The following GPHN variants were observed in gnomAD, a reference collection of about 807,000 sequenced individuals.
The protein encoded by GPHN is gephyrin.
Under a neutral mutation model 95.5 loss-of-function variants are expected in GPHN, and 17 were observed. The ratio of observed to expected loss-of-function variants is 0.18; its 90% CI spans 0.12 to 0.27. GPHN has a LOEUF of 0.27. Among genes scored for constraint, GPHN ranks in the 10% least tolerant of loss-of-function variants. The pLI is 1.00. For synonymous variants in GPHN, 320 were observed against 322.5 expected (o/e 0.99, Z 0.08); for missense variants, 660 against 978.1 (o/e 0.67, Z 4.34).
At chr14:67,089,815 A>C (rs2077075252) in intron 12 of GPHN, among the ~76,000 whole-genome samples, 1 of 152,162 alleles carries the variant, frequency 6.6e-6, no homozygotes, top group Non-Finnish European at 1.5e-5. Context: ...GAGATTGCAT[A>C]AAGCTTAAAA....
chr14:67,284,442 A>AAAAAAACAAAAAAAAAC, the GPHN span, among the ~76,000 whole-genome samples: 2 of 142,768 alleles, frequency 1.4e-5, no homozygotes, highest in African/African-American at 2.6e-5. Context: ...AAAAAAAAAA[A>AAAAAAACAAAAAAAAAC]AACAGCTGGG....
At chr14:66,954,619 A>G (rs904478367) in intron 8 of GPHN, among the ~76,000 whole-genome samples, 3 of 152,080 alleles carry the variant, frequency 2.0e-5, no homozygotes, top group African/African-American at 7.2e-5. Context: ...TTTTATTTCT[A>G]TTTCTTGCCG....
intron 1 of GPHN, among the ~76,000 whole-genome samples, chr14:66,668,851 G>C (rs1255561179): frequency 6.7e-6 from 1 of 149,164 alleles, no homozygotes; most frequent in Non-Finnish European, 1.5e-5. Flanking sequence ...ATTGTCATTT[G>C]TATTACCTTT....
chr14:66,966,684 C>T lies in GPHN; in HGVS notation c.963+1359C>T, dbSNP rs183522135. Among the ~76,000 whole-genome samples, 586 of 152,022 alleles carry T rather than the reference C, an allele frequency of 3.9e-3. 5 individuals are homozygous for T. The highest frequency in any genetic ancestry group is 0.014 in the African/African-American group (564 of 41,534). ...TGTAAAGTCTAGAAAATATTTAAAA[C>T]TAAAAGTTAAGTTCACTATAAGATG... On this transcript the variant is annotated intron_variant, in intron 9 of 22. Coordinates refer to ENST00000478722, the MANE Select transcript of GPHN (RefSeq NM_020806.5).
intron 18 of GPHN, among the ~76,000 whole-genome samples, chr14:67,145,898 G>T (rs1344401292): frequency 1.3e-5 from 2 of 152,152 alleles, no homozygotes; most frequent in Non-Finnish European, 2.9e-5. Flanking sequence ...TACAGGACTG[G>T]TGGGAAATTT....
At chr14:66,754,728 T>C (rs1253959116) in intron 2 of GPHN, among the ~76,000 whole-genome samples, 1 of 152,154 alleles carries the variant, frequency 6.6e-6, no homozygotes, top group East Asian at 1.9e-4. Flanking sequence ...ACACTAATTT[T>C]TCCTCCATTA....
the GPHN span, among the ~76,000 whole-genome samples, chr14:67,704,117 A>T: frequency 2.0e-5 from 3 of 152,116 alleles, no homozygotes; most frequent in Non-Finnish European, 2.9e-5. Flanking sequence ...CTTGTTTTAA[A>T]TTTAAATATA....
intron 3 of GPHN, among the ~76,000 whole-genome samples, chr14:66,778,333 A>G (rs548690380): frequency 2.0e-3 from 298 of 152,368 alleles, no homozygotes; most frequent in African/African-American, 6.7e-3. Flanking sequence ...ACAGTCTTTT[A>G]GTACATATTT....
chr14:67,065,720 A>C (rs1328680830), intron 11 of GPHN, among the ~76,000 whole-genome samples: 3 of 149,476 alleles, frequency 2.0e-5, no homozygotes, highest in African/African-American at 7.4e-5. Context: ...TGTTGGTTTA[A>C]AGTCTGTTTT....
intron 1 of GPHN, among the ~76,000 whole-genome samples, chr14:66,641,722 C>T (rs920238553): frequency 4.6e-5 from 7 of 150,864 alleles, no homozygotes; most frequent in African/African-American, 1.5e-4. Context: ...TAATTTACAA[C>T]TATATAACAT....
At chr14:67,056,980 G>C (rs2075606150) in intron 10 of GPHN, among the ~76,000 whole-genome samples, 1 of 152,160 alleles carries the variant, frequency 6.6e-6, no homozygotes, top group Non-Finnish European at 1.5e-5. Context: ...CTCACTGCAG[G>C]GCCCGCCGTA....
intron 7 of GPHN, 142 bp downstream of exon 7, chr14:66,923,080 TCCA>T (rs1481453575): frequency 1.4e-6 from 1 of 722,376 alleles, no homozygotes; most frequent in Non-Finnish European, 2.5e-6. Context: ...TCCATGACAC[TCCA>T]CTACTATGTT....
chr14:66,796,387 G>T (rs1357765922), intron 3 of GPHN, among the ~76,000 whole-genome samples: 1 of 151,728 alleles, frequency 6.6e-6, no homozygotes, highest in Admixed American at 6.6e-5. Flanking sequence ...AGGATTTCTG[G>T]AACATATGCC....
At chr14:66,827,761 CT>C (rs2061435923) in intron 4 of GPHN, among the ~76,000 whole-genome samples, 1 of 151,938 alleles carries the variant, frequency 6.6e-6, no homozygotes, top group Non-Finnish European at 1.5e-5. Flanking sequence ...GTAGGGTAAG[CT>C]TCATATTTGA....
At chr14:67,658,002 G>C in the GPHN span, among the ~76,000 whole-genome samples, 3 of 152,132 alleles carry the variant, frequency 2.0e-5, no homozygotes, top group African/African-American at 4.8e-5. Context: ...ACCAGCCTCA[G>C]CCTCCCAAGG....
the GPHN span, among the ~76,000 whole-genome samples, chr14:67,661,363 G>T: frequency 6.7e-6 from 1 of 149,002 alleles, no homozygotes; most frequent in East Asian, 2.0e-4. Flanking sequence ...TTCAGTAAAC[G>T]GAACCAACTT....
At chr14:67,212,445 G>A in the GPHN span, among the ~76,000 whole-genome samples, 1 of 151,386 alleles carries the variant, frequency 6.6e-6, no homozygotes, top group African/African-American at 2.4e-5. Flanking sequence ...CAAAAATTTT[G>A]CAGAGCATGG....
In GPHN at chr14:66,898,405, T is replaced by C. The variant is rs552641975; in HGVS notation, c.390-17598T>C. On this transcript the variant is annotated intron_variant, in intron 5 of 22. Transcript: ENST00000478722. ...TGTGAGTTTAGGTTGAGGTGTTTTT[T>C]CGTTTGGTTGGTTGGTTGGTTTTTG... 3.3e-5 allele frequency among the ~76,000 whole-genome samples: 5 copies of C among 150,550 alleles called. No individual in the cohort carries two copies. In the East Asian group the frequency reaches 9.9e-4, roughly 30 times the overall value.
chr14:66,837,479 G>A (rs2061887538), intron 4 of GPHN, among the ~76,000 whole-genome samples: 1 of 148,118 alleles, frequency 6.8e-6, no homozygotes, highest in South Asian at 2.2e-4. Context: ...AGCATTGGGA[G>A]ATATACCTAA....
Sources: gnomAD v4.1 joint callset for allele counts (sites outside exome capture counted in the v4.1 genomes callset) on GRCh38, gnomAD v4.1.1 for gene constraint, MANE v1.5 for transcripts, NCBI Gene and HGNC (gene_info 2026-07-23, HGNC 2026-07-21) for gene names.